Variants in ABTB2 observed in about 807,000 individuals in gnomAD.
ABTB2 encodes the protein ankyrin repeat and BTB/POZ domain-containing protein 2.
Under a neutral mutation model 104.1 loss-of-function variants are expected in ABTB2, and 56 were observed. The observed-to-expected ratio is 0.54, with a 90% confidence interval of 0.43 to 0.67. ABTB2 has a LOEUF of 0.67. ABTB2 is among the 30% of genes least tolerant of loss of function. The probability of loss-of-function intolerance (pLI) is 0.00; values close to 1 mark genes in which losing one functional copy is unlikely to be tolerated. For missense variants in ABTB2, 1,279 were observed against 1,407.7 expected (o/e 0.91, Z 1.46); for synonymous variants, 606 against 608.2 (o/e 1.00, Z 0.05).
chr11:34,300,984 T>C (rs543990572), intron 1 of ABTB2, among the ~76,000 whole-genome samples: 33 of 152,322 alleles, frequency 2.2e-4, no homozygotes, highest in African/African-American at 7.9e-4. Context: ...TTCCCGTGGG[T>C]AGATATAATT....
intron 9 of ABTB2, 87 bp downstream of exon 9, chr11:34,164,599 C>T: frequency 7.3e-7 from 1 of 1,366,492 alleles, no homozygotes. Context: ...GGGCCTAGCT[C>T]TTTTGCTCCC....
At chr11:34,221,850 T>C (rs289980) in intron 1 of ABTB2, among the ~76,000 whole-genome samples, 129,570 of 152,282 alleles carry the variant, frequency 0.85, 55,261 homozygotes, top group East Asian at 1. Flanking sequence ...ACCAGCCTGG[T>C]CAACATGGCA....
chr11:34,264,213 T>C (rs1364490272), intron 1 of ABTB2, among the ~76,000 whole-genome samples: 2 of 152,184 alleles, frequency 1.3e-5, no homozygotes, highest in African/African-American at 4.8e-5. Context: ...TAGTGAGCAG[T>C]CTCGAGGCCG....
chr11:34,280,921 C>A (rs1291883750), intron 1 of ABTB2, among the ~76,000 whole-genome samples: 1 of 152,138 alleles, frequency 6.6e-6, no homozygotes, highest in Non-Finnish European at 1.5e-5. Context: ...CATATAACTA[C>A]CCGCAATATA....
At chr11:34,246,684 A>G (rs1049522133) in intron 1 of ABTB2, among the ~76,000 whole-genome samples, 5 of 148,976 alleles carry the variant, frequency 3.4e-5, no homozygotes, top group African/African-American at 1.2e-4. Context: ...CGCCATTTCA[A>G]CTTGCTTTGA....
chr11:34,181,407 C>T (rs1259633021), intron 3 of ABTB2, among the ~76,000 whole-genome samples: 1 of 152,162 alleles, frequency 6.6e-6, no homozygotes, highest in African/African-American at 2.4e-5. Flanking sequence ...TAGGCAGGGA[C>T]CCCAGAGTGA....
At chr11:34,223,966 C>T (rs982119243) in intron 1 of ABTB2, among the ~76,000 whole-genome samples, 1 of 152,174 alleles carries the variant, frequency 6.6e-6, no homozygotes, top group Non-Finnish European at 1.5e-5. Flanking sequence ...CGTACAACTT[C>T]AGGGTATGCT....
intron 1 of ABTB2, among the ~76,000 whole-genome samples, chr11:34,243,437 T>C (rs2133064548): frequency 6.6e-6 from 1 of 152,212 alleles, no homozygotes; most frequent in Admixed American, 6.5e-5. Context: ...ACGCCCAGCC[T>C]CTGGCAAATC....
intron 2 of ABTB2, among the ~76,000 whole-genome samples, chr11:34,202,044 C>T (rs992587122): frequency 5.3e-5 from 8 of 152,238 alleles, no homozygotes; most frequent in African/African-American, 1.9e-4. Context: ...AATGAGGATA[C>T]AGCCGTGGAC....
intron 1 of ABTB2, among the ~76,000 whole-genome samples, chr11:34,230,531 A>G (rs1268545824): frequency 6.6e-6 from 1 of 152,164 alleles, no homozygotes; most frequent in East Asian, 1.9e-4. Context: ...AAGGACATGG[A>G]CGGGGAAGGC....
At chr11:34,335,648 C>T in intron 1 of ABTB2, 3 of 1,437,220 alleles carry the variant, frequency 2.1e-6, no homozygotes, top group Non-Finnish European at 2.9e-6. Flanking sequence ...AATTCATTCA[C>T]ATATTGTGTC....
chr11:34,159,790 C>A, intron 13 of ABTB2, 116 bp downstream of exon 13: 1 of 822,214 alleles, frequency 1.2e-6, no homozygotes. Flanking sequence ...TGACTGCAGT[C>A]TGAGGGGCAG....
chr11:34,197,911 C>A (rs1194827178), intron 2 of ABTB2, among the ~76,000 whole-genome samples: 1 of 152,262 alleles, frequency 6.6e-6, no homozygotes. Flanking sequence ...CCAGCCAGGG[C>A]CAGGCTCTGT....
rs192407787 is a variant in ABTB2, at chr11:34,266,444, G to A, written c.884-61754C>T. Among the ~76,000 whole-genome samples, 171 of 152,196 alleles carry A rather than the reference G, an allele frequency of 1.1e-3. 2 individuals are homozygous for A. Among genetic ancestry groups the A allele is most frequent in the African/African-American group, 4.0e-3 (166 of 41,510 alleles). ...GGCCTGGGCCTTAGTTTCCTCATCC[G>A]TGAGCAGAGCTGGCCGATCAGACCA... On this transcript the variant is annotated intron_variant, in intron 1 of 16. Transcript: ENST00000435224.
intron 1 of ABTB2, among the ~76,000 whole-genome samples, chr11:34,260,695 G>A (rs1307416685): frequency 2.0e-5 from 3 of 152,140 alleles, no homozygotes; most frequent in Non-Finnish European, 4.4e-5. Context: ...GCATCCAATC[G>A]GTACCCCTCA....
At chr11:34,295,428 G>A (rs968868967) in intron 1 of ABTB2, among the ~76,000 whole-genome samples, 9 of 152,096 alleles carry the variant, frequency 5.9e-5, no homozygotes, top group Non-Finnish European at 4.4e-5. Context: ...GTAATATAAG[G>A]AAATTCTTCT....
chr11:34,218,924 T>G (rs1329356108), intron 1 of ABTB2, among the ~76,000 whole-genome samples: 1 of 151,992 alleles, frequency 6.6e-6, no homozygotes, highest in Non-Finnish European at 1.5e-5. Flanking sequence ...TGACTATGTT[T>G]ATGTAGGCCT....
intron 3 of ABTB2, among the ~76,000 whole-genome samples, chr11:34,175,781 C>T (rs1852952863): frequency 6.6e-6 from 1 of 152,230 alleles, no homozygotes; most frequent in Non-Finnish European, 1.5e-5. Context: ...AACCTCACCT[C>T]ACCCTATCTC....
chr11:34,331,361 T>C (rs1323147415), intron 1 of ABTB2, among the ~76,000 whole-genome samples: 2 of 152,184 alleles, frequency 1.3e-5, no homozygotes, highest in African/African-American at 4.8e-5. Flanking sequence ...TAAGGAGTTG[T>C]GGAAAAACAA....
Sources: allele counts gnomAD v4.1 joint callset (sites outside exome capture counted in the v4.1 genomes callset), GRCh38; gene constraint gnomAD v4.1.1; transcripts MANE v1.5; gene names NCBI Gene and HGNC (gene_info 2026-07-23, HGNC 2026-07-21).